TNRC6A: variants seen among roughly 807,000 people sequenced by gnomAD.
TNRC6A encodes the protein trinucleotide repeat-containing gene 6A protein.
Under a neutral mutation model 221.2 loss-of-function variants are expected in TNRC6A, and 44 were observed. That is an observed-to-expected ratio of 0.20 (90% confidence interval 0.16 to 0.26). The LOEUF (loss-of-function observed/expected upper bound fraction) is 0.26. TNRC6A is among the 10% of genes least tolerant of loss of function. The pLI is 1.00. For missense variants in TNRC6A, 2,199 were observed against 2,404.4 expected (o/e 0.91, Z 1.79); for synonymous variants, 847 against 838.5 (o/e 1.01, Z -0.18).
chr16:24,721,315 C>T lies in TNRC6A; in HGVS notation n.403-29411C>T, dbSNP rs373175679. ...CCACAAAAATAGACTTGTACAAAAA[C>T]TGTTCATACCAGATTTACTCATAAT... On this transcript the variant is annotated intron_variant and non_coding_transcript_variant, in intron 2 of 2. Coordinates refer to the TNRC6A transcript ENST00000566108. 1.7e-4 allele frequency among the ~76,000 whole-genome samples: 26 copies of T among 152,300 alleles called. No homozygotes were observed. In the East Asian group the frequency reaches 4.8e-3, roughly 28 times the overall value.
chr16:24,811,617 G>T (rs1325004341), intron 18 of TNRC6A, among the ~76,000 whole-genome samples: 1 of 151,984 alleles, frequency 6.6e-6, no homozygotes, highest in Non-Finnish European at 1.5e-5. Context: ...ATTGCCTTTT[G>T]TATGTTGGAG....
At chr16:24,724,240 GTGTT>G (rs60020237) in intron 2 of TNRC6A, among the ~76,000 whole-genome samples, 9,043 of 152,070 alleles carry the variant, frequency 0.059, 742 homozygotes, top group East Asian at 0.35. Context: ...AATCATTTGA[GTGTT>G]TGTTTGTTTG....
chr16:24,737,917 T>C lies in TNRC6A; in HGVS notation c.53+7617T>C, dbSNP rs56791048. ...TTTAAATGTCCTTTTAAATATCATT[T>C]ATTCCTTGATAATTGACTGTATAAC... On this transcript the variant is annotated intron_variant, in intron 2 of 24. Coordinates refer to ENST00000395799, the MANE Select transcript of TNRC6A (RefSeq NM_014494.4). 7.5e-3 allele frequency among the ~76,000 whole-genome samples: 1,145 copies of C among 152,358 alleles called. 11 individuals carry two copies. The highest frequency in any genetic ancestry group is 0.026 in the African/African-American group (1,063 of 41,576).
chr16:24,795,183 A>G (rs1356983432), intron 8 of TNRC6A, among the ~76,000 whole-genome samples: 1 of 152,162 alleles, frequency 6.6e-6, no homozygotes, highest in Non-Finnish European at 1.5e-5. Flanking sequence ...AAAAATCCCT[A>G]GGAATGATCT....
intron 1 of TNRC6A, among the ~76,000 whole-genome samples, chr16:24,631,347 C>G (rs1206991952): frequency 6.6e-6 from 1 of 152,130 alleles, no homozygotes; most frequent in Non-Finnish European, 1.5e-5. Context: ...TTCTCAACCC[C>G]TCAGCAACAT....
chr16:24,644,797 G>A (rs1314857871), intron 2 of TNRC6A, among the ~76,000 whole-genome samples: 1 of 152,104 alleles, frequency 6.6e-6, no homozygotes, highest in African/African-American at 2.4e-5. Context: ...ACACGTAATT[G>A]TAAATATTCT....
At chr16:24,680,128 T>G (rs2055501833) in intron 2 of TNRC6A, among the ~76,000 whole-genome samples, 1 of 152,086 alleles carries the variant, frequency 6.6e-6, no homozygotes, top group African/African-American at 2.4e-5. Context: ...TTTAAAAATT[T>G]TATATGAAGA....
chr16:24,721,633 C>A (rs1427285050), intron 2 of TNRC6A, among the ~76,000 whole-genome samples: 2 of 152,128 alleles, frequency 1.3e-5, no homozygotes, highest in Non-Finnish European at 2.9e-5. Context: ...GTGGCAAAAC[C>A]CCATCTCTAC....
chr16:24,729,861 G>T lies in TNRC6A; in HGVS notation c.5+15G>T. On this transcript the variant is annotated intron_variant, in intron 1 of 24. Coordinates refer to ENST00000395799, the MANE Select transcript of TNRC6A (RefSeq NM_014494.4). ...ACACACATGAGGTGAGCGGAACAAG[G>T]GCCTCCCTCCGGGCGGGAGGAGCCG... 2.3e-6 allele frequency: 3 copies of T among 1,298,012 alleles called. No homozygotes were observed. Among genetic ancestry groups the T allele is most frequent in the Non-Finnish European group, 9.9e-7 (1 of 1,012,702 alleles). The allele number at this position is 1,298,012 out of a possible 1,614,324, so 80.4% of individuals were successfully genotyped here.
chr16:24,812,768 T>TAC (rs2058572772), intron 18 of TNRC6A, among the ~76,000 whole-genome samples: 2 of 151,920 alleles, frequency 1.3e-5, no homozygotes, highest in East Asian at 3.9e-4. Flanking sequence ...TCTCCAAGTG[T>TAC]AGCCCTGTTA....
chr16:24,813,820 T>C (rs546963894), intron 18 of TNRC6A, among the ~76,000 whole-genome samples: 4 of 152,384 alleles, frequency 2.6e-5, no homozygotes, highest in Non-Finnish European at 5.9e-5. Context: ...TTATATCATC[T>C]GTTTCTCTTA....
In TNRC6A at chr16:24,823,723, C is replaced by T. The variant is rs369952667; in HGVS notation, c.5805C>T (p.Ser1935=). ...STSLWGPPSS[S]DPRGISSPSP... ...GCCTGTGGGGTCCCCCAAGCAGCAG[C>T]GACCCCCGAGGAATTAGCAGCCCAT... is the stretch of plus-strand genomic sequence containing the variant. Residue 1935 remains serine (S), a synonymous_variant, in exon 25 of 25, where the codon AGC becomes AGT. Transcript: ENST00000395799. This position sits in a 1 kb window ranked among gnomAD's most constrained non-coding sequence, Gnocchi z 4.3. 1.3e-4 allele frequency: 200 copies of T among 1,549,722 alleles called. No homozygotes were observed. The highest frequency in any genetic ancestry group is 1.7e-4 in the Non-Finnish European group (192 of 1,149,368).
At chr16:24,718,865 C>T (rs560195587) in intron 2 of TNRC6A, among the ~76,000 whole-genome samples, 4 of 151,660 alleles carry the variant, frequency 2.6e-5, no homozygotes, top group Admixed American at 6.6e-5. Context: ...GGTGAAACTG[C>T]GTCTCTACTA....
intron 1 of TNRC6A, among the ~76,000 whole-genome samples, chr16:24,634,171 G>T (rs1041213867): frequency 2.0e-5 from 3 of 152,140 alleles, no homozygotes; most frequent in Middle Eastern, 3.2e-3. Context: ...TGGGCGCAGT[G>T]GTTCAGGCCT....
chr16:24,762,649 T>G (rs1168255307), intron 4 of TNRC6A, among the ~76,000 whole-genome samples: 1 of 152,170 alleles, frequency 6.6e-6, no homozygotes, highest in African/African-American at 2.4e-5. Context: ...ACAAGGTAAG[T>G]TTACGTTTAA....
chr16:24,651,702 T>C (rs1902674881), intron 2 of TNRC6A, among the ~76,000 whole-genome samples: 1 of 150,204 alleles, frequency 6.7e-6, no homozygotes, highest in African/African-American at 2.4e-5. Context: ...CCCCCCGCCA[T>C]CTTAACAAAA....
At chr16:24,705,118 A>G (rs769176077) in intron 2 of TNRC6A, among the ~76,000 whole-genome samples, 3 of 152,168 alleles carry the variant, frequency 2.0e-5, no homozygotes, top group African/African-American at 7.2e-5. Flanking sequence ...CACCTTATTT[A>G]TATTTATTCA....
chr16:24,714,768 T>C (rs2056280595), intron 2 of TNRC6A, among the ~76,000 whole-genome samples: 1 of 152,188 alleles, frequency 6.6e-6, no homozygotes, highest in African/African-American at 2.4e-5. Flanking sequence ...CCTTTTCTTC[T>C]AATTTTAGCA....
intron 2 of TNRC6A, among the ~76,000 whole-genome samples, chr16:24,684,834 T>C (rs1333281824): frequency 6.6e-6 from 1 of 152,150 alleles, no homozygotes; most frequent in Non-Finnish European, 1.5e-5. Context: ...AAACCATTTT[T>C]AGTTCAAGGC....
Sources: allele counts gnomAD v4.1 joint callset (sites outside exome capture counted in the v4.1 genomes callset), GRCh38; gene constraint gnomAD v4.1.1; non-coding constraint Gnocchi (gnomAD v3.1); transcripts MANE v1.5; gene names NCBI Gene and HGNC (gene_info 2026-07-23, HGNC 2026-07-21).